MEGF9: variants seen among roughly 807,000 people sequenced by gnomAD.
MEGF9 encodes multiple EGF like domains 9, also known as multiple epidermal growth factor-like domains protein 9.
A neutral mutation model predicts 46.8 loss-of-function variants in MEGF9; 6 were observed. That is an observed-to-expected ratio of 0.13 (90% CI 0.07 to 0.25). The LOEUF is 0.25. Ranked by LOEUF, MEGF9 falls within the 10% of genes least tolerant of loss-of-function variation. The probability of loss-of-function intolerance (pLI) is 1.00; values close to 1 mark genes in which losing one functional copy is unlikely to be tolerated. For synonymous variants in MEGF9, 302 were observed against 330.7 expected, an observed-to-expected ratio of 0.91 and a Z score of 0.94; for missense variants, 683 against 792.4, an observed-to-expected ratio of 0.86 and a Z score of 1.66.
intron 1 of MEGF9, among the ~76,000 whole-genome samples, chr9:120,661,670 A>G (rs998999706): frequency 6.6e-6 from 1 of 152,224 alleles, no homozygotes; most frequent in Non-Finnish European, 1.5e-5. Context: ...TCCCATTACA[A>G]TCAAGATTCT....
At chr9:120,615,953 A>G (rs955973542) in intron 3 of MEGF9, among the ~76,000 whole-genome samples, 2 of 152,210 alleles carry the variant, frequency 1.3e-5, no homozygotes, top group Admixed American at 1.3e-4. Flanking sequence ...AATATTAATC[A>G]CTGTTTACAT....
At chr9:120,711,764 CTATTA>C (rs1277892533) in intron 1 of MEGF9, among the ~76,000 whole-genome samples, 2 of 151,758 alleles carry the variant, frequency 1.3e-5, no homozygotes, top group Non-Finnish European at 2.9e-5. Flanking sequence ...CATTCTTTTT[CTATTA>C]TATTTTACTA....
chr9:120,712,876 T>A (rs2043959856), intron 1 of MEGF9, among the ~76,000 whole-genome samples: 2 of 152,148 alleles, frequency 1.3e-5, no homozygotes, highest in Admixed American at 6.5e-5. Context: ...CACTTAAGAT[T>A]TAAACGGGGA....
chr9:120,646,400 T>C (rs1156855261), intron 2 of MEGF9, among the ~76,000 whole-genome samples: 1 of 152,170 alleles, frequency 6.6e-6, no homozygotes, highest in Non-Finnish European at 1.5e-5. Context: ...CTTACCAGAC[T>C]CATCTCCTGT....
At chr9:120,706,165 CAT>C (rs1400585532) in intron 1 of MEGF9, among the ~76,000 whole-genome samples, 1 of 152,134 alleles carries the variant, frequency 6.6e-6, no homozygotes, top group Non-Finnish European at 1.5e-5. Flanking sequence ...AGTTAATACA[CAT>C]GTTTAGAAAT....
At chr9:120,639,202 T>C (rs572735233) in intron 2 of MEGF9, among the ~76,000 whole-genome samples, 1 of 151,802 alleles carries the variant, frequency 6.6e-6, no homozygotes, top group South Asian at 2.1e-4. Context: ...AGTATTTTAG[T>C]GAAATAGTTA....
At chr9:120,622,544 C>T (rs931508838) in intron 3 of MEGF9, 72 bp downstream of exon 3, 4 of 1,525,050 alleles carry the variant, frequency 2.6e-6, no homozygotes, top group Non-Finnish European at 3.6e-6. Context: ...AAGAATCAAC[C>T]TATAGCTGAA....
At chr9:120,687,669 ACTGTGTGTGT>A (rs968155029) in intron 1 of MEGF9, among the ~76,000 whole-genome samples, 3 of 61,486 alleles carry the variant, frequency 4.9e-5, no homozygotes, top group African/African-American at 1.7e-4. Context: ...TGAACACAAC[ACTGTGTGTGT>A]GTGTGTGTGT....
chr9:120,639,167 C>T (rs963125707), intron 2 of MEGF9, among the ~76,000 whole-genome samples: 15 of 151,988 alleles, frequency 9.9e-5, no homozygotes, highest in Non-Finnish European at 2.1e-4. Flanking sequence ...ATAAATATTT[C>T]CCATATGTTT....
At chr9:120,672,813 C>A (rs559992996) in intron 1 of MEGF9, among the ~76,000 whole-genome samples, 2 of 152,248 alleles carry the variant, frequency 1.3e-5, no homozygotes, top group African/African-American at 4.8e-5. Flanking sequence ...CACCTGAGGT[C>A]AGGAGTTCAA....
chr9:120,616,696 A>G (rs1044584774), intron 3 of MEGF9, among the ~76,000 whole-genome samples: 19 of 150,674 alleles, frequency 1.3e-4, no homozygotes, highest in Non-Finnish European at 2.8e-4. Context: ...AAAAAAAAAA[A>G]AAAAGTGGTA....
chr9:120,713,978 AGG>A lies in MEGF9; in HGVS notation c.379_380del (p.Pro127SerfsTer78). The A allele has an allele frequency of 7.2e-7, 1 of 1,379,502 alleles. No homozygotes were observed. Among genetic ancestry groups the A allele is most frequent in the Non-Finnish European group, 9.4e-7 (1 of 1,061,938 alleles). 85.5% of individuals were successfully genotyped at this position (1,379,502 alleles called of 1,614,324 possible). On this transcript the variant is annotated frameshift_variant, in exon 1 of 6. Transcript: ENST00000373930. LOFTEE classifies it high-confidence loss of function. Reference sequence around the variant, plus strand: ...TGGTCGAAGTGCGTTCCGCCGCCGGAGGGGTGGTCGGCGAGGGGCCGAGCGGC... The same window carrying A: ...TGGTCGAAGTGCGTTCCGCCGCCGGAGGTGGTCGGCGAGGGGCCGAGCGGC... ...QAPLGPSPTT[P>X]PAAERTSTTS...
At chr9:120,704,860 C>T (rs185190702) in intron 1 of MEGF9, among the ~76,000 whole-genome samples, 22 of 152,274 alleles carry the variant, frequency 1.4e-4, no homozygotes, top group Admixed American at 3.3e-4. Context: ...TTCAAAAGAT[C>T]AAACATTTGT....
At chr9:120,708,230 C>T (rs1263246946) in intron 1 of MEGF9, among the ~76,000 whole-genome samples, 5 of 151,032 alleles carry the variant, frequency 3.3e-5, no homozygotes, top group Non-Finnish European at 7.4e-5. Context: ...CTGGGCGTGG[C>T]GGCATGCGCC....
intron 1 of MEGF9, among the ~76,000 whole-genome samples, chr9:120,672,082 G>A (rs2043751719): frequency 1.3e-5 from 2 of 152,136 alleles, no homozygotes; most frequent in Non-Finnish European, 2.9e-5. Context: ...AGAAAACTAT[G>A]AATAGAAGGA....
intron 2 of MEGF9, among the ~76,000 whole-genome samples, chr9:120,648,084 C>T (rs1019004177): frequency 6.6e-6 from 1 of 152,072 alleles, no homozygotes; most frequent in Non-Finnish European, 1.5e-5. Flanking sequence ...TAGATTGTTA[C>T]AACAGCTTTC....
At chr9:120,633,336 C>T (rs374109591) in intron 2 of MEGF9, among the ~76,000 whole-genome samples, 98 of 152,190 alleles carry the variant, frequency 6.4e-4, no homozygotes, top group African/African-American at 1.7e-3. Flanking sequence ...TGTTTCCATA[C>T]AAGCAGAATT....
At chr9:120,609,139 C>T (rs1287754866) in intron 4 of MEGF9, among the ~76,000 whole-genome samples, 1 of 152,172 alleles carries the variant, frequency 6.6e-6, no homozygotes, top group Non-Finnish European at 1.5e-5. Context: ...CTGACCTCTG[C>T]CTACTTCTCT....
chr9:120,614,604 A>C (rs2043463162), intron 3 of MEGF9, among the ~76,000 whole-genome samples: 1 of 152,164 alleles, frequency 6.6e-6, no homozygotes, highest in Non-Finnish European at 1.5e-5. Context: ...CATACTAGGA[A>C]ACTGGAGTTT....
Sources: gnomAD v4.1 joint callset for allele counts (sites outside exome capture counted in the v4.1 genomes callset) on GRCh38, gnomAD v4.1.1 for gene constraint, MANE v1.5 for transcripts, NCBI Gene and HGNC (gene_info 2026-07-23, HGNC 2026-07-21) for gene names.